The following BTRC variants were observed in gnomAD, a reference collection of about 807,000 sequenced individuals.
The protein encoded by BTRC is F-box/WD repeat-containing protein 1A.
BTRC carries 42 observed loss-of-function variants against 85.5 expected under a neutral mutation model. The observed-to-expected ratio is 0.49, with a 90% confidence interval of 0.38 to 0.64. BTRC has a LOEUF of 0.64. Among genes scored for constraint, BTRC ranks in the 30% least tolerant of loss-of-function variants. The pLI is 0.00. For synonymous variants in BTRC, 255 were observed against 263.3 expected (o/e 0.97, Z 0.30); for missense variants, 594 against 743.5 (o/e 0.80, Z 2.34).
intron 1 of BTRC, among the ~76,000 whole-genome samples, chr10:101,428,120 T>C (rs918110027): frequency 5.9e-5 from 9 of 152,122 alleles, no homozygotes; most frequent in Admixed American, 2.0e-4. Flanking sequence ...TAAGGAGATA[T>C]TGATGTAAAT....
At chr10:101,399,101 C>T (rs559355063) in intron 1 of BTRC, among the ~76,000 whole-genome samples, 7 of 152,134 alleles carry the variant, frequency 4.6e-5, no homozygotes, top group East Asian at 3.9e-4. Flanking sequence ...TACAGGCATG[C>T]GCCACCATCC....
At chr10:101,529,873 C>T (rs1044090461) in intron 6 of BTRC, among the ~76,000 whole-genome samples, 1 of 152,170 alleles carries the variant, frequency 6.6e-6, no homozygotes, top group Non-Finnish European at 1.5e-5. Flanking sequence ...AACATGATTT[C>T]TCTGGTGCCA....
chr10:101,355,228 T>C (rs1942000679), intron 1 of BTRC, among the ~76,000 whole-genome samples: 1 of 151,920 alleles, frequency 6.6e-6, no homozygotes, highest in African/African-American at 2.4e-5. Context: ...ATGAGATCAG[T>C]TGAGAAATTT....
intron 2 of BTRC, among the ~76,000 whole-genome samples, chr10:101,432,504 T>TTTTTG (rs1324531984): frequency 1.3e-5 from 2 of 152,128 alleles, no homozygotes; most frequent in Non-Finnish European, 1.5e-5. Flanking sequence ...TTTGTTGGTT[T>TTTTTG]TTTTGTTTTG....
chr10:101,514,038 CT>C (rs1354061063), intron 4 of BTRC, among the ~76,000 whole-genome samples: 2 of 152,130 alleles, frequency 1.3e-5, no homozygotes. Flanking sequence ...TGTTGAACAT[CT>C]TTTCATATGC....
At chr10:101,379,048 A>C (rs1942863369) in intron 1 of BTRC, among the ~76,000 whole-genome samples, 1 of 152,194 alleles carries the variant, frequency 6.6e-6, no homozygotes, top group African/African-American at 2.4e-5. Context: ...GTTGACTATA[A>C]ATTTCACATA....
At chr10:101,516,372 A>G (rs1417491316) in intron 4 of BTRC, among the ~76,000 whole-genome samples, 3 of 152,210 alleles carry the variant, frequency 2.0e-5, no homozygotes, top group African/African-American at 7.2e-5. Context: ...CACAGCTGCT[A>G]AATTGAAGAG....
intron 13 of BTRC, among the ~76,000 whole-genome samples, chr10:101,541,682 G>C (rs1363329965): frequency 6.6e-6 from 1 of 152,162 alleles, no homozygotes; most frequent in Non-Finnish European, 1.5e-5. Flanking sequence ...TACATCCATT[G>C]AGATAATCAT....
chr10:101,406,845 A>T (rs1177683003), intron 1 of BTRC, among the ~76,000 whole-genome samples: 1 of 152,016 alleles, frequency 6.6e-6, no homozygotes, highest in Non-Finnish European at 1.5e-5. Context: ...CAGCTTTCTT[A>T]TGACTGTTTT....
At chr10:101,429,508 C>G in intron 1 of BTRC, among the ~76,000 whole-genome samples, 1 of 119,268 alleles carries the variant, frequency 8.4e-6, no homozygotes, top group East Asian at 2.8e-4. Context: ...CTCCCCTCCC[C>G]CCCTCCCCTC....
intron 1 of BTRC, among the ~76,000 whole-genome samples, chr10:101,397,736 G>T (rs746325387): frequency 6.6e-6 from 1 of 151,888 alleles, no homozygotes; most frequent in Non-Finnish European, 1.5e-5. Context: ...CCCTGTTACT[G>T]TATCATTTTA....
intron 1 of BTRC, among the ~76,000 whole-genome samples, chr10:101,412,157 G>A (rs540953615): frequency 1.3e-5 from 2 of 152,306 alleles, no homozygotes; most frequent in East Asian, 3.9e-4. Flanking sequence ...TTCACTGTAT[G>A]TATACAGGAC....
At chr10:101,549,713 CAAA>C (rs755481178) in intron 13 of BTRC, among the ~76,000 whole-genome samples, 2,657 of 42,632 alleles carry the variant, frequency 0.062, 41 homozygotes, top group Non-Finnish European at 0.08. Context: ...GACTCTGTCT[CAAA>C]AAAAAAAAAA....
chr10:101,456,677 A>G (rs1358993340), intron 2 of BTRC, among the ~76,000 whole-genome samples: 2 of 152,168 alleles, frequency 1.3e-5, no homozygotes, highest in African/African-American at 2.4e-5. Context: ...TATTTCCTTT[A>G]TTGACCTTTT....
intron 4 of BTRC, among the ~76,000 whole-genome samples, chr10:101,506,086 C>G (rs9419918): frequency 0.37 from 56,285 of 151,956 alleles, 11,594 homozygotes; most frequent in Middle Eastern, 0.49. Context: ...GCTAATTTTT[C>G]TATTTTTAGT....
intron 4 of BTRC, 97 bp from the exon 5 acceptor site, chr10:101,521,542 T>G (rs887911534): frequency 1.9e-5 from 16 of 856,362 alleles, no homozygotes; most frequent in Admixed American, 7.8e-5. Flanking sequence ...GGCTCAATCA[T>G]GTAGACATAA....
At chr10:101,397,841 T>A (rs1291933464) in intron 1 of BTRC, among the ~76,000 whole-genome samples, 1 of 152,218 alleles carries the variant, frequency 6.6e-6, no homozygotes, top group Non-Finnish European at 1.5e-5. Flanking sequence ...ACAGATGGAT[T>A]TGATGATAAA....
intron 13 of BTRC, among the ~76,000 whole-genome samples, chr10:101,540,028 G>A (rs1019617400): frequency 1.3e-5 from 2 of 152,138 alleles, no homozygotes; most frequent in African/African-American, 4.8e-5. Flanking sequence ...AGTTACAAAT[G>A]CATTATCAGA....
rs201965360 is a variant in BTRC, at chr10:101,497,547, T to TA, written c.324+18098dup. 6.8e-3 allele frequency among the ~76,000 whole-genome samples: 1,030 copies of TA among 151,936 alleles called. 11 individuals are homozygous for TA. The highest frequency in any genetic ancestry group is 0.02 in the African/African-American group (841 of 41,420). On this transcript the variant is annotated intron_variant, in intron 4 of 14. Coordinates refer to ENST00000370187, the MANE Select transcript of BTRC (RefSeq NM_033637.4). ...CCCCTGTCTCTACAAATAAAAAATA[T>TA]AAAAAAAATTTATCCAGGCATGGTG...
Sources: allele counts gnomAD v4.1 joint callset (sites outside exome capture counted in the v4.1 genomes callset), GRCh38; gene constraint gnomAD v4.1.1; transcripts MANE v1.5; gene names NCBI Gene and HGNC (gene_info 2026-07-23, HGNC 2026-07-21).